The following CACNA2D3 variants were observed in gnomAD, a reference collection of about 807,000 sequenced individuals.
CACNA2D3 encodes the protein voltage-dependent calcium channel subunit alpha-2/delta-3.
Under a neutral mutation model 160.6 loss-of-function variants are expected in CACNA2D3, and 60 were observed. The observed-to-expected ratio is 0.37, with a 90% CI of 0.30 to 0.46. CACNA2D3 has a LOEUF of 0.46. CACNA2D3 is among the 20% of genes least tolerant of loss of function. The probability of loss-of-function intolerance (pLI) is 1.00; values close to 1 mark genes in which losing one functional copy is unlikely to be tolerated. For synonymous variants in CACNA2D3, 558 were observed against 492.9 expected (o/e 1.13, Z -1.75); for missense variants, 1,205 against 1,365.0 (o/e 0.88, Z 1.85).
intron 35 of CACNA2D3, among the ~76,000 whole-genome samples, chr3:55,040,651 C>T (rs947218263): frequency 8.5e-5 from 13 of 152,104 alleles, no homozygotes; most frequent in Non-Finnish European, 1.9e-4. Context: ...TGCCACTGTG[C>T]TCCAACCTGG....
intron 21 of CACNA2D3, among the ~76,000 whole-genome samples, chr3:54,881,090 T>C (rs1318559550): frequency 1.3e-5 from 2 of 152,208 alleles, no homozygotes; most frequent in Non-Finnish European, 2.9e-5. Flanking sequence ...TGATTTAATT[T>C]ACTTATATTC....
intron 3 of CACNA2D3, among the ~76,000 whole-genome samples, chr3:54,361,058 A>G (rs945780050): frequency 1.3e-5 from 2 of 152,148 alleles, no homozygotes; most frequent in African/African-American, 4.8e-5. Context: ...AGTGTTAAAA[A>G]ATTCCATATT....
chr3:54,165,136 T>TTTTTTTTTTAA (rs1700426817), intron 2 of CACNA2D3, among the ~76,000 whole-genome samples: 1 of 141,180 alleles, frequency 7.1e-6, no homozygotes, highest in East Asian at 2.0e-4. Context: ...TTTTTTTTTG[T>TTTTTTTTTTAA]CAAACAAGAT....
intron 2 of CACNA2D3, among the ~76,000 whole-genome samples, chr3:54,129,467 G>T (rs1331191991): frequency 1.3e-5 from 2 of 152,202 alleles, no homozygotes; most frequent in Non-Finnish European, 2.9e-5. Context: ...ATGTTGCATA[G>T]CTTCCCAGTT....
chr3:54,931,427 A>G lies in CACNA2D3; in HGVS notation c.2449+31559A>G, dbSNP rs114143636. Among the ~76,000 whole-genome samples the G allele has an allele frequency of 3.0e-3, 463 of 152,320 alleles. 1 individual carries two copies. Among genetic ancestry groups the G allele is most frequent in the Non-Finnish European group, 4.5e-3 (308 of 68,026 alleles). ...AACAAAGGGAGGGTGTGTGATATGCATGCTAATGCTAGGCAGTGCCTTTTC... is the reference window on the plus strand; with the variant it reads ...AACAAAGGGAGGGTGTGTGATATGCGTGCTAATGCTAGGCAGTGCCTTTTC... On this transcript the variant is annotated intron_variant, in intron 27 of 37. Coordinates refer to ENST00000474759, the MANE Select transcript of CACNA2D3 (RefSeq NM_018398.3).
chr3:54,845,131 A>C (rs1575507926), intron 16 of CACNA2D3, among the ~76,000 whole-genome samples: 1 of 146,196 alleles, frequency 6.8e-6, no homozygotes, highest in Non-Finnish European at 1.5e-5. Context: ...GTCAAGTAGA[A>C]TCTTATTAAG....
At chr3:54,276,881 C>T (rs1702753985) in intron 2 of CACNA2D3, among the ~76,000 whole-genome samples, 1 of 152,262 alleles carries the variant, frequency 6.6e-6, no homozygotes, top group Non-Finnish European at 1.5e-5. Context: ...GGGTTGCCCA[C>T]TGATGACCAA....
At chr3:54,868,898 C>G (rs1352411607) in intron 17 of CACNA2D3, among the ~76,000 whole-genome samples, 1 of 152,206 alleles carries the variant, frequency 6.6e-6, no homozygotes, top group African/African-American at 2.4e-5. Flanking sequence ...AAATATTTTA[C>G]TGTGCCTGGG....
intron 2 of CACNA2D3, among the ~76,000 whole-genome samples, chr3:54,313,202 G>A (rs1703779307): frequency 6.6e-6 from 1 of 152,106 alleles, no homozygotes; most frequent in Non-Finnish European, 1.5e-5. Context: ...GGCTCAGGAG[G>A]TTAATGGCTT....
At chr3:54,289,713 T>C (rs1481139965) in intron 2 of CACNA2D3, among the ~76,000 whole-genome samples, 4 of 152,122 alleles carry the variant, frequency 2.6e-5, no homozygotes, top group African/African-American at 9.7e-5. Flanking sequence ...AACAGAGATA[T>C]AGATCAATGG....
chr3:54,176,669 A>G (rs1446162782), intron 2 of CACNA2D3, among the ~76,000 whole-genome samples: 2 of 152,238 alleles, frequency 1.3e-5, no homozygotes, highest in South Asian at 2.1e-4. Context: ...ATAGCAATAC[A>G]AAAACATTTT....
intron 11 of CACNA2D3, among the ~76,000 whole-genome samples, chr3:54,668,085 G>C (rs974131073): frequency 2.6e-5 from 4 of 152,110 alleles, no homozygotes; most frequent in Non-Finnish European, 4.4e-5. Context: ...CTGTGTTTAA[G>C]AAAAACTATT....
intron 27 of CACNA2D3, chr3:54,924,972 T>C (rs1700969604): frequency 5.6e-6 from 9 of 1,611,384 alleles, no homozygotes; most frequent in Non-Finnish European, 6.8e-6. Context: ...TGAAAGGGAA[T>C]TGTTGGACAA....
intron 4 of CACNA2D3, among the ~76,000 whole-genome samples, chr3:54,400,628 T>G (rs1233797848): frequency 6.6e-6 from 1 of 152,096 alleles, no homozygotes; most frequent in Admixed American, 6.5e-5. Flanking sequence ...CCACAGTCAT[T>G]TCTGACATTG....
In CACNA2D3 at chr3:54,897,499, C is replaced by T. The variant is rs575105910; in HGVS notation, c.2368+629C>T. Among the ~76,000 whole-genome samples the T allele has an allele frequency of 3.9e-5, 6 of 152,196 alleles. No individual in the cohort carries two copies. The South Asian group carries it at 1.0e-3, about 26-fold the overall frequency. On this transcript the variant is annotated intron_variant, in intron 26 of 37. Coordinates refer to ENST00000474759, the MANE Select transcript of CACNA2D3 (RefSeq NM_018398.3). The stretch of plus-strand genomic sequence containing the variant: ...ATACTGGAAATGCTTCAGTTTTCCT[C>T]GTATTTTTTTTTTCTCTTGCCTCAT...
At chr3:54,857,375 C>T (rs1366902530) in intron 17 of CACNA2D3, among the ~76,000 whole-genome samples, 1 of 152,276 alleles carries the variant, frequency 6.6e-6, no homozygotes, top group African/African-American at 2.4e-5. Flanking sequence ...CTGACAGCAG[C>T]TAGGTGAAGG....
At position 55,073,528 on chromosome 3, in the gene CACNA2D3, C is replaced by T. The variant is rs1447772102; in HGVS notation, c.3071C>T (p.Pro1024Leu). ...AGCTGCCTCTGTGAATCTGTGGCCC[C>T]CATCACCATGGCACCCATTGAAATC... Reference protein sequence around the residue: ...DSSCLCESVAPITMAPIEIRY... With the variant: ...DSSCLCESVALITMAPIEIRY... Residue 1024 changes from proline to leucine, a missense_variant, in exon 36 of 38, where the codon CCC becomes CTC. This residue lies in a region of CACNA2D3 where 911 missense variants were observed against 1,002.2 expected (regional missense o/e 0.91). Coordinates refer to ENST00000474759, the MANE Select transcript of CACNA2D3 (RefSeq NM_018398.3). The T allele has an allele frequency of 3.7e-6, 6 of 1,613,838 alleles. No individual in the cohort carries two copies. The highest frequency in any genetic ancestry group is 4.2e-6 in the Non-Finnish European group (5 of 1,179,810).
chr3:54,286,969 A>G (rs1703045295), intron 2 of CACNA2D3, among the ~76,000 whole-genome samples: 1 of 152,212 alleles, frequency 6.6e-6, no homozygotes, highest in South Asian at 2.1e-4. Context: ...GCCACTGCAA[A>G]AACATGCCAA....
intron 35 of CACNA2D3, among the ~76,000 whole-genome samples, chr3:55,029,721 A>T (rs1703649780): frequency 6.6e-6 from 1 of 152,236 alleles, no homozygotes; most frequent in Non-Finnish European, 1.5e-5. Flanking sequence ...ATCCTTCATT[A>T]CACAAATTAG....
Sources: gnomAD v4.1 joint callset for allele counts (sites outside exome capture counted in the v4.1 genomes callset) on GRCh38, gnomAD v4.1.1 for gene constraint, gnomAD v4.1.1 regional missense constraint, MANE v1.5 for transcripts, NCBI Gene and HGNC (gene_info 2026-07-23, HGNC 2026-07-21) for gene names.